PDE1A: variants seen among roughly 807,000 people sequenced by gnomAD.
The protein encoded by PDE1A is dual specificity calcium/calmodulin-dependent 3',5'-cyclic nucleotide phosphodiesterase 1A.
A neutral mutation model predicts 61.7 loss-of-function variants in PDE1A; 35 were observed. The ratio of observed to expected loss-of-function variants is 0.57; its 90% CI spans 0.43 to 0.75. The LOEUF is 0.75. Among genes scored for constraint, PDE1A ranks in the 30% least tolerant of loss-of-function variants. The probability of loss-of-function intolerance (pLI) is 0.00; values close to 1 mark genes in which losing one functional copy is unlikely to be tolerated. For missense variants in PDE1A, 597 were observed against 630.6 expected, an observed-to-expected ratio of 0.95 and a Z score of 0.57; for synonymous variants, 232 against 213.2, an observed-to-expected ratio of 1.09 and a Z score of -0.77.
At chr2:182,413,581 C>T (rs1488056046) in intron 1 of PDE1A, among the ~76,000 whole-genome samples, 1 of 152,110 alleles carries the variant, frequency 6.6e-6, no homozygotes, top group Non-Finnish European at 1.5e-5. Context: ...TAATAGTTTT[C>T]AACAAAGAGG....
chr2:182,555,965 CAAAAAAAAAAAAAA>C, the PDE1A span, among the ~76,000 whole-genome samples: 17 of 48,436 alleles, frequency 3.5e-4, no homozygotes, highest in African/African-American at 7.2e-4. Flanking sequence ...AACTCCATCT[CAAAAAAAAAAAAAA>C]AAAAAAAAAA....
intron 1 of PDE1A, among the ~76,000 whole-genome samples, chr2:182,375,361 G>C (rs1248505807): frequency 6.6e-6 from 1 of 152,218 alleles, no homozygotes; most frequent in East Asian, 1.9e-4. Flanking sequence ...TGGGGGTACA[G>C]GTATTGGGTA....
chr2:182,171,752 G>C (rs568566156), intron 13 of PDE1A, among the ~76,000 whole-genome samples: 1 of 151,136 alleles, frequency 6.6e-6, no homozygotes, highest in South Asian at 2.1e-4. Flanking sequence ...ACATCAAACT[G>C]CTACTAGATG....
chr2:182,358,158 C>T (rs1310246703), intron 1 of PDE1A, among the ~76,000 whole-genome samples: 1 of 152,158 alleles, frequency 6.6e-6, no homozygotes, highest in African/African-American at 2.4e-5. Context: ...GATGATACCA[C>T]CTTTTCATGT....
At chr2:182,140,567 A>T (rs774208892) in exon 15 of PDE1A, 1 of 152,252 alleles carries the variant, frequency 6.6e-6, no homozygotes, top group Non-Finnish European at 1.5e-5. Flanking sequence ...CAAGAATTGT[A>T]GGTTGTTATG....
chr2:182,426,796 G>A, exon 1 of PDE1A: 1 of 1,446,774 alleles, frequency 6.9e-7, no homozygotes, highest in South Asian at 1.5e-5. Context: ...TTCTCTGCCA[G>A]CTGAGCAGTG....
intron 2 of PDE1A, among the ~76,000 whole-genome samples, chr2:182,252,723 C>G (rs1691493323): frequency 6.6e-6 from 1 of 152,178 alleles, no homozygotes; most frequent in South Asian, 2.1e-4. Context: ...ATGCCCCACC[C>G]TATCCCCAGC....
At chr2:182,178,049 G>A (rs779699391) in intron 13 of PDE1A, among the ~76,000 whole-genome samples, 3 of 151,838 alleles carry the variant, frequency 2.0e-5, no homozygotes, top group East Asian at 3.9e-4. Flanking sequence ...TGTGTGTCTC[G>A]ATGAGCTGAT....
chr2:182,497,943 G>A (rs1012088112), intron 2 of PDE1A, among the ~76,000 whole-genome samples: 1 of 151,650 alleles, frequency 6.6e-6, no homozygotes, highest in Admixed American at 6.6e-5. Flanking sequence ...CTACTCGGGA[G>A]GCTGAGACAG....
intron 1 of PDE1A, among the ~76,000 whole-genome samples, chr2:182,357,038 T>G (rs1385302411): frequency 1.3e-5 from 2 of 151,420 alleles, no homozygotes; most frequent in African/African-American, 2.4e-5. Context: ...TTGTGGGGTG[T>G]GGGGAGCGGG....
chr2:182,581,686 C>T, the PDE1A span, among the ~76,000 whole-genome samples: 1 of 152,122 alleles, frequency 6.6e-6, no homozygotes, highest in East Asian at 1.9e-4. Context: ...GAAGAAAAAC[C>T]TGTACTTGGA....
the PDE1A span, among the ~76,000 whole-genome samples, chr2:182,677,951 A>G: frequency 3.9e-5 from 6 of 152,224 alleles, no homozygotes; most frequent in Non-Finnish European, 8.8e-5. Context: ...CTAATAAAAT[A>G]CTCAATAAAA....
chr2:182,608,996 C>T, the PDE1A span, among the ~76,000 whole-genome samples: 1 of 152,174 alleles, frequency 6.6e-6, no homozygotes, highest in Admixed American at 6.5e-5. Context: ...TTTGTGAATG[C>T]ACCAACTGGC....
intron 7 of PDE1A, among the ~76,000 whole-genome samples, chr2:182,208,049 T>G (rs143388436): frequency 0.011 from 1,723 of 152,326 alleles, 25 homozygotes; most frequent in Middle Eastern, 0.037. Flanking sequence ...GGAAGAAGTC[T>G]GCTGCAGGGG....
At chr2:182,186,218 C>T (rs554913200) in intron 12 of PDE1A, 139 bp from the exon 13 acceptor site, 8 of 892,644 alleles carry the variant, frequency 9.0e-6, no homozygotes, top group Admixed American at 2.8e-5. Flanking sequence ...GTGGCAGCTG[C>T]TCATCTCCTT....
At chr2:182,674,768 T>C in the PDE1A span, among the ~76,000 whole-genome samples, 5 of 152,224 alleles carry the variant, frequency 3.3e-5, no homozygotes, top group East Asian at 9.6e-4. Flanking sequence ...GAATACTTTC[T>C]ACTTACCTTT....
chr2:182,715,297 A>C, the PDE1A span, among the ~76,000 whole-genome samples: 1 of 152,188 alleles, frequency 6.6e-6, no homozygotes, highest in East Asian at 1.9e-4. Flanking sequence ...GAGTTACTAC[A>C]TGTGTGCTTA....
chr2:182,441,098 C>T (rs891931361), intron 2 of PDE1A, among the ~76,000 whole-genome samples: 1 of 151,958 alleles, frequency 6.6e-6, no homozygotes, highest in Non-Finnish European at 1.5e-5. Flanking sequence ...AGCCAAGGGT[C>T]ATCTTACATG....
chr2:182,337,153 A>C (rs1190403628), intron 1 of PDE1A, among the ~76,000 whole-genome samples: 1 of 152,152 alleles, frequency 6.6e-6, no homozygotes, highest in Non-Finnish European at 1.5e-5. Flanking sequence ...TAATGTATAC[A>C]CTTTGCCTTA....
Sources: allele counts gnomAD v4.1 joint callset (sites outside exome capture counted in the v4.1 genomes callset), GRCh38; gene constraint gnomAD v4.1.1; transcripts MANE v1.5; gene names NCBI Gene and HGNC (gene_info 2026-07-23, HGNC 2026-07-21).